The following CRACD variants were observed in gnomAD, a reference collection of about 807,000 sequenced individuals.
CRACD encodes the protein capping protein inhibiting regulator of actin dynamics.
CRACD carries 56 observed loss-of-function variants against 106.8 expected under a neutral mutation model. The observed-to-expected ratio is 0.52, with a 90% CI of 0.42 to 0.66. CRACD has a LOEUF of 0.66. CRACD is among the 30% of genes least tolerant of loss of function. The pLI, the probability that CRACD is intolerant of heterozygous loss-of-function variation, is 0.00. For missense variants in CRACD, 1,730 were observed against 1,623.2 expected, an observed-to-expected ratio of 1.07 and a Z score of -1.13; for synonymous variants, 754 against 670.8, an observed-to-expected ratio of 1.12 and a Z score of -1.92.
intron 1 of CRACD, among the ~76,000 whole-genome samples, chr4:56,151,840 T>TTAGA (rs1409501800): frequency 5.9e-5 from 9 of 152,064 alleles, no homozygotes; most frequent in African/African-American, 1.9e-4. Flanking sequence ...TTTCTCATGA[T>TTAGA]TAGATGCAAG....
rs965080688 is a variant in CRACD at position 56,315,609 on chromosome 4, T to C, written c.2107T>C (p.Cys703Arg). 4 of 1,613,952 alleles carry C rather than the reference T, an allele frequency of 2.5e-6. No homozygotes were observed. Among genetic ancestry groups the C allele is most frequent in the Non-Finnish European group, 2.5e-6 (3 of 1,180,014 alleles). The change falls in exon 8 of 11, where the codon TGT becomes CGT. Residue 703 changes from cysteine to arginine, a missense_variant. Cys to Arg is a radical substitution (Grantham distance 180). Coordinates refer to ENST00000682029, the MANE Select transcript of CRACD (RefSeq NM_001393381.1). This position sits in a 1 kb window ranked among gnomAD's most constrained non-coding sequence, Gnocchi z 4.1. Reference sequence around the variant, plus strand: ...TGATGAGTCCACTCCCAGGGGCCGGTGTGATTCCCGCGGGAACCAACGGAA... The same window carrying C: ...TGATGAGTCCACTCCCAGGGGCCGGCGTGATTCCCGCGGGAACCAACGGAA... ...PGDESTPRGR[C>R]DSRGNQRKTP...
intron 1 of CRACD, among the ~76,000 whole-genome samples, chr4:56,122,116 G>C (rs1734503993): frequency 6.6e-6 from 1 of 152,098 alleles, no homozygotes; most frequent in African/African-American, 2.4e-5. Context: ...CCAGGCTGCA[G>C]TGAGTTATGA....
chr4:56,190,395 A>G (rs1271732913), intron 2 of CRACD, among the ~76,000 whole-genome samples: 1 of 152,168 alleles, frequency 6.6e-6, no homozygotes, highest in Non-Finnish European at 1.5e-5. Context: ...GAATCGCCAC[A>G]CTGACTTCCA....
At chr4:56,183,245 T>G (rs1213809621) in intron 2 of CRACD, among the ~76,000 whole-genome samples, 1 of 103,794 alleles carries the variant, frequency 9.6e-6, no homozygotes, top group African/African-American at 4.6e-5. Flanking sequence ...AAAAATAAAA[T>G]AAAATAAAAT....
chr4:56,134,672 G>C (rs530449452), intron 1 of CRACD, among the ~76,000 whole-genome samples: 7 of 152,342 alleles, frequency 4.6e-5, no homozygotes, highest in Admixed American at 4.6e-4. Flanking sequence ...TTCCCTAAGA[G>C]AGTAGACTGT....
chr4:56,118,356 T>C (rs1212487872), intron 1 of CRACD, among the ~76,000 whole-genome samples: 1 of 152,204 alleles, frequency 6.6e-6, no homozygotes, highest in Non-Finnish European at 1.5e-5. Context: ...TACTGCATGC[T>C]AAGTGCTGGG....
intron 2 of CRACD, among the ~76,000 whole-genome samples, chr4:56,265,102 G>A (rs955557308): frequency 2.6e-5 from 4 of 152,144 alleles, no homozygotes; most frequent in Non-Finnish European, 5.9e-5. Flanking sequence ...CTGTCATAAT[G>A]GAAATGTGCT....
chr4:56,263,456 G>GT (rs1373725856), intron 2 of CRACD, among the ~76,000 whole-genome samples: 1 of 152,116 alleles, frequency 6.6e-6, no homozygotes, highest in Non-Finnish European at 1.5e-5. Flanking sequence ...CAAGATCAAG[G>GT]TGTTGGCAGC....
At chr4:56,287,945 T>C (rs905951438) in intron 3 of CRACD, among the ~76,000 whole-genome samples, 1 of 152,226 alleles carries the variant, frequency 6.6e-6, no homozygotes, top group African/African-American at 2.4e-5. Context: ...GCTAAACGCA[T>C]CTTCCCTTAG....
intron 5 of CRACD, chr4:56,309,041 T>A: frequency 4.0e-6 from 2 of 502,180 alleles, no homozygotes; most frequent in Non-Finnish European, 7.4e-6. Context: ...TCAACCAGTA[T>A]ATAAATAGAA....
intron 2 of CRACD, among the ~76,000 whole-genome samples, chr4:56,213,306 C>T (rs554165302): frequency 1.4e-3 from 206 of 152,166 alleles, no homozygotes; most frequent in African/African-American, 4.7e-3. Context: ...ATTAGCCAGT[C>T]GTAGTGGCGT....
At chr4:56,081,531 C>A (rs1216145430) in intron 1 of CRACD, among the ~76,000 whole-genome samples, 1 of 152,096 alleles carries the variant, frequency 6.6e-6, no homozygotes, top group African/African-American at 2.4e-5. Flanking sequence ...ATTAATGCTG[C>A]ACATTTGTAA....
chr4:56,162,151 G>A (rs1226330109), intron 1 of CRACD, among the ~76,000 whole-genome samples: 1 of 151,872 alleles, frequency 6.6e-6, no homozygotes. Flanking sequence ...GATCAGAGAT[G>A]GGTAGATTTT....
In CRACD at chr4:56,315,942, A is replaced by C. The variant is rs1229713521; in HGVS notation, c.2440A>C (p.Thr814Pro). The change falls in exon 8 of 11, where the codon ACA becomes CCA. Residue 814 changes from threonine to proline, a missense_variant. By Grantham distance (38) the Thr-to-Pro change is conservative. Coordinates refer to ENST00000682029, the MANE Select transcript of CRACD (RefSeq NM_001393381.1). The surrounding 1 kb of genome is among the most constrained non-coding windows in gnomAD (Gnocchi z 4.1). ...PYPPQKVVAH[T>P]EFTTSSDSET... ...CCCTCCGCAGAAAGTGGTGGCCCAC[A>C]CAGAGTTCACGACCTCGTCGGACAG... The C allele has an allele frequency of 1.9e-6, 3 of 1,614,204 alleles. No individual in the cohort carries two copies. The Admixed American group carries it at 5.0e-5, about 27-fold the overall frequency.
At chr4:56,279,955 A>G (rs528534042) in intron 3 of CRACD, among the ~76,000 whole-genome samples, 187 of 152,052 alleles carry the variant, frequency 1.2e-3, no homozygotes, top group Admixed American at 2.0e-3. Flanking sequence ...ATGGAATACT[A>G]TGCAGCCATA....
Position 56,313,205 on chromosome 4 carries a change from C to G in CRACD, c.363C>G (p.Pro121=). 2 of 1,613,966 alleles carry G rather than the reference C, an allele frequency of 1.2e-6. No individual in the cohort carries two copies. ...TTTAATCTCCCCTACAGGTTGCTCC[C>G]GTTAAACCGTCTCGGCCAAAAAGGC... ...AGSEMEEKVA[P]VKPSRPKRHF... is the part of the protein sequence containing the mutation. The change falls in exon 7 of 11, where the codon CCC becomes CCG. Residue 121 remains proline (P), a synonymous_variant. Transcript: ENST00000682029.
chr4:56,172,261 T>C (rs1301886366), intron 1 of CRACD, among the ~76,000 whole-genome samples: 1 of 152,126 alleles, frequency 6.6e-6, no homozygotes, highest in Non-Finnish European at 1.5e-5. Context: ...CACATTGTAT[T>C]TGCCTGAAAA....
At chr4:56,108,042 A>G (rs568285807) in intron 1 of CRACD, among the ~76,000 whole-genome samples, 1 of 152,260 alleles carries the variant, frequency 6.6e-6, no homozygotes, top group Admixed American at 6.5e-5. Flanking sequence ...TTTCAGAGAG[A>G]AAAGAGCCCT....
intron 2 of CRACD, among the ~76,000 whole-genome samples, chr4:56,191,739 TACG>T (rs1458707296): frequency 6.6e-6 from 1 of 152,238 alleles, no homozygotes; most frequent in Non-Finnish European, 1.5e-5. Context: ...AACCACCATG[TACG>T]ACGTTATTTC....
Sources: allele counts gnomAD v4.1 joint callset (sites outside exome capture counted in the v4.1 genomes callset), GRCh38; gene constraint gnomAD v4.1.1; non-coding constraint Gnocchi (gnomAD v3.1); transcripts MANE v1.5; gene names NCBI Gene and HGNC (gene_info 2026-07-23, HGNC 2026-07-21).